The following SNTG1 variants were observed in gnomAD, a reference collection of about 807,000 sequenced individuals.
The protein encoded by SNTG1 is gamma-1-syntrophin.
A neutral mutation model predicts 74.7 loss-of-function variants in SNTG1; 39 were observed. The ratio of observed to expected loss-of-function variants is 0.52; its 90% confidence interval spans 0.40 to 0.68. The LOEUF (loss-of-function observed/expected upper bound fraction) is 0.68. Among genes scored for constraint, SNTG1 ranks in the 30% least tolerant of loss-of-function variants. The pLI is 0.00. For synonymous variants in SNTG1, 254 were observed against 217.1 expected (o/e 1.17, Z -1.49); for missense variants, 685 against 609.5 (o/e 1.12, Z -1.30).
At chr8:50,674,880 G>C (rs2095302897) in intron 15 of SNTG1, among the ~76,000 whole-genome samples, 1 of 151,830 alleles carries the variant, frequency 6.6e-6, no homozygotes, top group African/African-American at 2.4e-5. Context: ...GTTCTCATTT[G>C]TTTTGAAGAA....
chr8:50,011,484 A>G (rs1332874419), intron 1 of SNTG1, among the ~76,000 whole-genome samples: 1 of 152,148 alleles, frequency 6.6e-6, no homozygotes, highest in African/African-American at 2.4e-5. Flanking sequence ...TGATGAAGTT[A>G]TTTATCATTA....
intron 17 of SNTG1, among the ~76,000 whole-genome samples, chr8:50,725,476 A>C (rs1443047983): frequency 1.3e-5 from 2 of 152,182 alleles, no homozygotes; most frequent in Admixed American, 1.3e-4. Flanking sequence ...AAAAGTAATA[A>C]ATATAGTCTT....
intron 1 of SNTG1, among the ~76,000 whole-genome samples, chr8:50,061,088 T>G (rs746044649): frequency 7.2e-5 from 11 of 152,088 alleles, no homozygotes; most frequent in Non-Finnish European, 1.3e-4. Context: ...GATCTCTTCT[T>G]TAATTTTATG....
chr8:50,680,283 T>A (rs1217546494), intron 15 of SNTG1, among the ~76,000 whole-genome samples: 1 of 152,152 alleles, frequency 6.6e-6, no homozygotes, highest in Non-Finnish European at 1.5e-5. Context: ...ACAGAATGAA[T>A]AAGATAGTAT....
intron 13 of SNTG1, among the ~76,000 whole-genome samples, chr8:50,599,931 A>C (rs569314366): frequency 6.6e-6 from 1 of 152,266 alleles, no homozygotes; most frequent in East Asian, 1.9e-4. Context: ...ATTCATTATA[A>C]TACTACCTTG....
intron 9 of SNTG1, among the ~76,000 whole-genome samples, chr8:50,513,265 G>A (rs184836737): frequency 0.019 from 2,845 of 152,236 alleles, 97 homozygotes; most frequent in African/African-American, 0.062. Flanking sequence ...CTGCCTGATC[G>A]TTCCTCTGGA....
chr8:50,707,798 T>C, intron 16 of SNTG1: 1 of 324,404 alleles, frequency 3.1e-6, no homozygotes, highest in Non-Finnish European at 5.6e-6. Context: ...TAAATGCAAA[T>C]AAAACTGGCT....
rs1391762257 is a variant in SNTG1 at position 50,795,225 on chromosome 8, A to C, written c.*2396A>C. The C allele has an allele frequency of 6.6e-6, 1 of 152,022 alleles. No individual in the cohort carries two copies. The highest frequency in any genetic ancestry group is 1.5e-5 in the Non-Finnish European group (1 of 67,958). 9.4% of individuals were successfully genotyped at this position (152,022 alleles called of 1,614,324 possible). ...ATATTTTTGATACTATTGATAAAAA[A>C]CATAAGCCGTGATTTTTATTTAACA... On this transcript the variant is annotated 3_prime_UTR_variant, in exon 19 of 19. Coordinates refer to ENST00000642720, the MANE Select transcript of SNTG1 (RefSeq NM_018967.5).
intron 5 of SNTG1, among the ~76,000 whole-genome samples, chr8:50,447,229 T>C (rs972129804): frequency 2.0e-5 from 3 of 152,162 alleles, no homozygotes; most frequent in Admixed American, 2.0e-4. Context: ...CCCAATGTCT[T>C]GCCATGGTAA....
At chr8:50,360,625 T>G (rs2091930524) in intron 2 of SNTG1, among the ~76,000 whole-genome samples, 1 of 152,208 alleles carries the variant, frequency 6.6e-6, no homozygotes. Flanking sequence ...CTACATGGGA[T>G]AGCCTATTGG....
At chr8:50,675,292 T>C (rs1239080177) in intron 15 of SNTG1, among the ~76,000 whole-genome samples, 1 of 152,030 alleles carries the variant, frequency 6.6e-6, no homozygotes, top group East Asian at 1.9e-4. Context: ...TATGTGGCAG[T>C]CTAAGTTTCT....
chr8:50,081,570 A>G (rs1269785661), intron 1 of SNTG1, among the ~76,000 whole-genome samples: 1 of 151,856 alleles, frequency 6.6e-6, no homozygotes, highest in Non-Finnish European at 1.5e-5. Context: ...TATGCATCAT[A>G]TATGGTGTCT....
intron 17 of SNTG1, among the ~76,000 whole-genome samples, chr8:50,720,301 A>T (rs1394536078): frequency 8.2e-5 from 12 of 146,482 alleles, no homozygotes. Context: ...ACAAATCTAA[A>T]AGGTGTTCCC....
At chr8:50,262,199 AAGCAGTG>A (rs2087228404) in intron 2 of SNTG1, among the ~76,000 whole-genome samples, 1 of 152,222 alleles carries the variant, frequency 6.6e-6, no homozygotes, top group Non-Finnish European at 1.5e-5. Context: ...AATGCCATGA[AAGCAGTG>A]ATTAAATGTA....
At chr8:50,415,514 T>C (rs2093003133) in intron 4 of SNTG1, among the ~76,000 whole-genome samples, 1 of 152,106 alleles carries the variant, frequency 6.6e-6, no homozygotes, top group Admixed American at 6.6e-5. Context: ...AATTTCTCAT[T>C]TTTGTCAACA....
At position 50,393,405 on chromosome 8, in the gene SNTG1, C is replaced by T. The variant is rs557900202; in HGVS notation, c.-27-807C>T. ...GTAATTTTGAGGAGTACAAAGTCTT[C>T]TATTTTGGAATTAATCATTCATCTT... is the stretch of plus-strand genomic sequence containing the variant. On this transcript the variant is annotated intron_variant, in intron 2 of 18. Transcript: ENST00000642720. Among the ~76,000 whole-genome samples, 7 of 152,206 alleles carry T rather than the reference C, an allele frequency of 4.6e-5. No individual in the cohort carries two copies. The South Asian group carries it at 1.2e-3, about 27-fold the overall frequency.
intron 1 of SNTG1, among the ~76,000 whole-genome samples, chr8:50,126,740 T>G (rs1248184094): frequency 6.6e-6 from 1 of 152,070 alleles, no homozygotes; most frequent in Admixed American, 6.6e-5. Context: ...GTGGAGAAAC[T>G]TCTGGAACAG....
chr8:50,221,341 A>T (rs2085054772), intron 2 of SNTG1, among the ~76,000 whole-genome samples: 1 of 152,086 alleles, frequency 6.6e-6, no homozygotes, highest in African/African-American at 2.4e-5. Context: ...AAATAGTTAC[A>T]ATGGGGAATT....
chr8:50,079,463 G>T (rs1021710692), intron 1 of SNTG1, among the ~76,000 whole-genome samples: 11 of 150,444 alleles, frequency 7.3e-5, no homozygotes, highest in African/African-American at 2.7e-4. Flanking sequence ...CTGGATATTA[G>T]ACCTTTGTCA....
Sources: allele counts gnomAD v4.1 joint callset (sites outside exome capture counted in the v4.1 genomes callset), GRCh38; gene constraint gnomAD v4.1.1; transcripts MANE v1.5; gene names NCBI Gene and HGNC (gene_info 2026-07-23, HGNC 2026-07-21).